Variants in MPP7 observed in about 807,000 individuals in gnomAD.
MPP7 encodes MAGUK p55 subfamily member 7.
MPP7 carries 60 observed loss-of-function variants against 76.5 expected under a neutral mutation model. The ratio of observed to expected loss-of-function variants is 0.78; its 90% CI spans 0.64 to 0.97. The LOEUF is 0.97. MPP7 is among the 50% of genes least tolerant of loss of function. MPP7 has a pLI of 0.00. For synonymous variants in MPP7, 237 were observed against 244.5 expected, an observed-to-expected ratio of 0.97 and a Z score of 0.29; for missense variants, 641 against 694.0, an observed-to-expected ratio of 0.92 and a Z score of 0.86.
intron 3 of MPP7, among the ~76,000 whole-genome samples, chr10:28,179,655 T>C (rs185872639): frequency 2.0e-5 from 3 of 152,346 alleles, no homozygotes; most frequent in African/African-American, 7.2e-5. Flanking sequence ...AACTAAATTC[T>C]TTAAGCTAGG....
At chr10:28,099,871 C>T (rs73606058) in intron 11 of MPP7, among the ~76,000 whole-genome samples, 2,619 of 151,588 alleles carry the variant, frequency 0.017, 74 homozygotes, top group African/African-American at 0.058. Context: ...TTGTTTGATA[C>T]AAACAGTCTA....
chr10:28,304,575 C>T (rs1286658261), upstream of MPP7, among the ~76,000 whole-genome samples: 1 of 152,016 alleles, frequency 6.6e-6, no homozygotes, highest in Admixed American at 6.5e-5. Flanking sequence ...AGAGTTTTTA[C>T]CAAACCTTTC....
intron 1 of MPP7, among the ~76,000 whole-genome samples, chr10:28,245,263 T>A (rs1051035553): frequency 6.6e-6 from 1 of 152,210 alleles, no homozygotes; most frequent in African/African-American, 2.4e-5. Flanking sequence ...TCCACTGGCA[T>A]TCCCTTAAGT....
chr10:28,170,280 T>C, intron 3 of MPP7, among the ~76,000 whole-genome samples: 1 of 152,104 alleles, frequency 6.6e-6, no homozygotes, highest in East Asian at 1.9e-4. Flanking sequence ...TCTCCAGTTC[T>C]AGAAAGCATG....
chr10:28,093,832 G>A (rs77140750), intron 11 of MPP7, among the ~76,000 whole-genome samples: 1,835 of 152,300 alleles, frequency 0.012, 52 homozygotes, highest in East Asian at 0.11. Context: ...TTGCATGAGT[G>A]TCAAAGATGG....
upstream of MPP7, chr10:28,305,860 A>C (rs1236553169): frequency 1.3e-5 from 2 of 152,232 alleles, no homozygotes; most frequent in Non-Finnish European, 1.5e-5. Context: ...AGGAGAAGCA[A>C]CCTGATTTTT....
intron 3 of MPP7, among the ~76,000 whole-genome samples, chr10:28,160,495 C>T (rs1836223490): frequency 6.6e-6 from 1 of 152,104 alleles, no homozygotes; most frequent in Admixed American, 6.5e-5. Context: ...CAGATGCCAA[C>T]TCAGTGAAAA....
intron 1 of MPP7, among the ~76,000 whole-genome samples, chr10:28,279,500 GGGT>G (rs1239336808): frequency 1.3e-5 from 2 of 151,750 alleles, no homozygotes; most frequent in African/African-American, 2.4e-5. Flanking sequence ...AGGCCGAGGC[GGGT>G]GGATCACCTG....
At chr10:28,242,863 G>A (rs903382752) in intron 1 of MPP7, among the ~76,000 whole-genome samples, 1 of 152,138 alleles carries the variant, frequency 6.6e-6, no homozygotes, top group African/African-American at 2.4e-5. Flanking sequence ...AAGAGGAGGA[G>A]GGGAGAGGGA....
chr10:28,118,363 G>C, intron 11 of MPP7: 3 of 978,050 alleles, frequency 3.1e-6, no homozygotes, highest in Non-Finnish European at 3.6e-6. Context: ...ACATTTCTAA[G>C]TTGCCTAGGA....
chr10:28,189,364 A>G (rs1363599032), intron 3 of MPP7, among the ~76,000 whole-genome samples: 1 of 151,964 alleles, frequency 6.6e-6, no homozygotes, highest in Non-Finnish European at 1.5e-5. Flanking sequence ...GGAGTTTGAG[A>G]CCAGCCTAAG....
rs1388667276 is a variant in MPP7, at chr10:28,262,271, A to T, written c.-131-23536T>A. Among the ~76,000 whole-genome samples, 25 of 59,770 alleles carry T rather than the reference A, an allele frequency of 4.2e-4. 1 individual carries two copies. Among genetic ancestry groups the T allele is most frequent in the African/African-American group, 1.7e-3 (20 of 11,946 alleles). 39.2% of individuals were successfully genotyped at this position (59,770 alleles called of 152,430 possible). ...TATATATATATATGTATATATATAT[A>T]TATATATTTTTTTTTTTTTCTTCAC... On this transcript the variant is annotated intron_variant, in intron 1 of 16. Transcript: ENST00000683449.
chr10:28,309,473 T>A (rs1841277045), intron 2 of MPP7, among the ~76,000 whole-genome samples: 1 of 151,796 alleles, frequency 6.6e-6, no homozygotes, highest in Admixed American at 6.6e-5. Context: ...CACAACACTG[T>A]TTCCTTCCAA....
intron 2 of MPP7, among the ~76,000 whole-genome samples, chr10:28,233,846 G>C (rs1838976839): frequency 6.6e-6 from 1 of 151,734 alleles, no homozygotes; most frequent in Non-Finnish European, 1.5e-5. Flanking sequence ...AGACCAGCCT[G>C]GGCAACACAG....
At position 28,067,672 on chromosome 10, in the gene MPP7, A is replaced by C. The variant is rs142042316; in HGVS notation, c.1204+2100T>G. Among the ~76,000 whole-genome samples the C allele has an allele frequency of 2.8e-3, 422 of 152,338 alleles. 1 individual carries two copies. Among genetic ancestry groups the C allele is most frequent in the African/African-American group, 9.6e-3 (400 of 41,574 alleles). ...AAACAGCTGGGTAAATTGAGGCTAA[A>C]GTATGTTTGTTGCCCTAGGTCCTTC... On this transcript the variant is annotated intron_variant, in intron 13 of 16. Coordinates refer to ENST00000683449, the MANE Select transcript of MPP7 (RefSeq NM_001318170.2).
intron 1 of MPP7, among the ~76,000 whole-genome samples, chr10:28,244,719 C>T (rs769072130): frequency 1.3e-5 from 2 of 152,106 alleles, no homozygotes; most frequent in East Asian, 1.9e-4. Flanking sequence ...AATCCCCAGG[C>T]GAAGAGACCC....
At chr10:28,109,862 A>AAAC (rs1554836576) in intron 11 of MPP7, among the ~76,000 whole-genome samples, 1 of 149,514 alleles carries the variant, frequency 6.7e-6, no homozygotes, top group Non-Finnish European at 1.5e-5. Flanking sequence ...AAAAAAAAAA[A>AAAC]AAAAAAAAAA....
rs139816525 is a variant in MPP7, at chr10:28,262,900, A to T, written c.-131-24165T>A. Among the ~76,000 whole-genome samples, 28 of 152,170 alleles carry T rather than the reference A, an allele frequency of 1.8e-4. 1 individual carries two copies. The highest frequency in any genetic ancestry group is 6.3e-4 in the African/African-American group (26 of 41,518). ...GTGAAACCCCATCGCTACTAAAAATAAAAAAATTAGCCAGGAGAGGTGGCA... is the reference window on the plus strand; with the variant it reads ...GTGAAACCCCATCGCTACTAAAAATTAAAAAATTAGCCAGGAGAGGTGGCA... On this transcript the variant is annotated intron_variant, in intron 1 of 16. Coordinates refer to ENST00000683449, the MANE Select transcript of MPP7 (RefSeq NM_001318170.2).
intron 1 of MPP7, among the ~76,000 whole-genome samples, chr10:28,268,780 G>T (rs1043856520): frequency 6.7e-6 from 1 of 149,928 alleles, no homozygotes; most frequent in East Asian, 1.9e-4. Context: ...CTAATCAGGC[G>T]TGGTGGCAGG....
Sources: allele counts gnomAD v4.1 joint callset (sites outside exome capture counted in the v4.1 genomes callset), GRCh38; gene constraint gnomAD v4.1.1; transcripts MANE v1.5; gene names NCBI Gene and HGNC (gene_info 2026-07-23, HGNC 2026-07-21).